Variants in GPR158 observed in about 807,000 individuals in gnomAD.
The protein encoded by GPR158 is G protein-coupled receptor 158.
A neutral mutation model predicts 78.2 loss-of-function variants in GPR158; 30 were observed. That is an observed-to-expected ratio of 0.38 (90% CI 0.29 to 0.52). The LOEUF (loss-of-function observed/expected upper bound fraction) is 0.52. GPR158 is among the 20% of genes least tolerant of loss of function. GPR158 has a pLI of 0.83. For missense variants in GPR158, 1,463 were observed against 1,523.5 expected (o/e 0.96, Z 0.66); for synonymous variants, 581 against 591.1 (o/e 0.98, Z 0.25).
intron 2 of GPR158, among the ~76,000 whole-genome samples, chr10:25,334,173 T>C (rs1230043310): frequency 6.6e-6 from 1 of 152,106 alleles, no homozygotes; most frequent in African/African-American, 2.4e-5. Flanking sequence ...GCAACTTTTA[T>C]AAAATGACAA....
At chr10:25,200,695 A>T (rs1779488607) in intron 1 of GPR158, among the ~76,000 whole-genome samples, 1 of 152,082 alleles carries the variant, frequency 6.6e-6, no homozygotes, top group Non-Finnish European at 1.5e-5. Flanking sequence ...AAAGGTGTCC[A>T]GTGTTAAAAA....
intron 2 of GPR158, among the ~76,000 whole-genome samples, chr10:25,349,688 G>A (rs979046028): frequency 4.1e-5 from 6 of 146,770 alleles, no homozygotes; most frequent in Non-Finnish European, 8.8e-5. Flanking sequence ...GTGGAACTAC[G>A]AGTCAGTTAA....
At chr10:25,541,646 G>A (rs1836586319) in intron 5 of GPR158, among the ~76,000 whole-genome samples, 1 of 151,334 alleles carries the variant, frequency 6.6e-6, no homozygotes, top group African/African-American at 2.4e-5. Flanking sequence ...TTGAATAAAG[G>A]CCCATAAAAG....
At chr10:25,310,333 A>G (rs531022473) in intron 2 of GPR158, among the ~76,000 whole-genome samples, 2 of 152,278 alleles carry the variant, frequency 1.3e-5, no homozygotes, top group East Asian at 3.9e-4. Context: ...AGAGAGTGTT[A>G]GTCCTCCAAG....
intron 2 of GPR158, among the ~76,000 whole-genome samples, chr10:25,311,108 A>G (rs1316929680): frequency 6.6e-6 from 1 of 151,854 alleles, no homozygotes; most frequent in African/African-American, 2.4e-5. Context: ...TTTTATTTTA[A>G]TATTTGTTTG....
At chr10:25,391,855 T>G (rs1214844572) in intron 2 of GPR158, among the ~76,000 whole-genome samples, 3 of 152,178 alleles carry the variant, frequency 2.0e-5, no homozygotes, top group Non-Finnish European at 4.4e-5. Flanking sequence ...AATCTCATCT[T>G]GAATTGTTCC....
chr10:25,200,474 G>C (rs368877607), intron 1 of GPR158, among the ~76,000 whole-genome samples: 2 of 152,040 alleles, frequency 1.3e-5, no homozygotes, highest in Admixed American at 1.3e-4. Context: ...GTGTCTGTTT[G>C]CTCTGTGGAT....
At chr10:25,398,815 A>T (rs1834402191) in intron 3 of GPR158, among the ~76,000 whole-genome samples, 1 of 152,166 alleles carries the variant, frequency 6.6e-6, no homozygotes, top group African/African-American at 2.4e-5. Flanking sequence ...TGACCTCAGC[A>T]CATACTTAGC....
In GPR158 at chr10:25,598,054, C is replaced by T. The variant is rs1025246687; in HGVS notation, c.2428C>T (p.Arg810Ter). The T allele has an allele frequency of 4.3e-6, 7 of 1,613,892 alleles. No individual in the cohort carries two copies. The highest frequency in any genetic ancestry group is 1.3e-5 in the African/African-American group (1 of 74,908). Reference sequence around the variant, plus strand: ...ATCCAAGGAGGAGACCCTGAAAAACCGAGTCTTCTCACTCAAGAAATCCCA... The same window carrying T: ...ATCCAAGGAGGAGACCCTGAAAAACTGAGTCTTCTCACTCAAGAAATCCCA... ...GKSKEETLKNRVFSLKKSHST... is the reference protein window; with the variant it reads ...GKSKEETLKN Residue 810 changes from arginine (R) to a stop codon, truncating the protein, a stop_gained, in exon 11 of 11, where the codon CGA (arginine) becomes TGA (stop). Transcript: ENST00000376351. LOFTEE classifies it low-confidence loss of function (END_TRUNC).
chr10:25,587,094 G>A (rs904413185), intron 7 of GPR158, among the ~76,000 whole-genome samples: 3 of 152,212 alleles, frequency 2.0e-5, no homozygotes, highest in African/African-American at 4.8e-5. Flanking sequence ...GTAACAAAGA[G>A]AAGTTGGTCA....
chr10:25,517,450 A>G (rs1429897791), intron 5 of GPR158, among the ~76,000 whole-genome samples: 1 of 152,104 alleles, frequency 6.6e-6, no homozygotes, highest in African/African-American at 2.4e-5. Context: ...GTCTTGTGCC[A>G]GTTTTCAAAG....
At chr10:25,324,543 A>G (rs1240502414) in intron 2 of GPR158, among the ~76,000 whole-genome samples, 1 of 152,222 alleles carries the variant, frequency 6.6e-6, no homozygotes, top group Non-Finnish European at 1.5e-5. Flanking sequence ...TCACCATAAC[A>G]GATATAATAA....
chr10:25,475,652 A>G (rs139051253), intron 5 of GPR158: 4 of 152,272 alleles, frequency 2.6e-5, no homozygotes, highest in African/African-American at 9.6e-5. Context: ...TAGTATCCAC[A>G]TATAGCCAAA....
intron 5 of GPR158, among the ~76,000 whole-genome samples, chr10:25,550,114 C>T (rs1410685239): frequency 6.6e-6 from 1 of 152,090 alleles, no homozygotes; most frequent in Non-Finnish European, 1.5e-5. Flanking sequence ...GTGTCTTGCA[C>T]GTTATCTGTT....
chr10:25,486,699 A>G (rs1835740332), intron 5 of GPR158, among the ~76,000 whole-genome samples: 1 of 152,144 alleles, frequency 6.6e-6, no homozygotes, highest in African/African-American at 2.4e-5. Flanking sequence ...CTGTTGGTCC[A>G]TGGTCCTTGA....
intron 2 of GPR158, among the ~76,000 whole-genome samples, chr10:25,333,626 A>T (rs1855158374): frequency 6.6e-6 from 1 of 152,176 alleles, no homozygotes; most frequent in Non-Finnish European, 1.5e-5. Context: ...AGAATGAATG[A>T]TTGAAAATAG....
intron 5 of GPR158, among the ~76,000 whole-genome samples, chr10:25,492,527 C>T (rs142247082): frequency 1.3e-5 from 2 of 152,130 alleles, no homozygotes; most frequent in East Asian, 3.9e-4. Context: ...ATTTTCATCC[C>T]TTAGTCTTCA....
chr10:25,377,110 G>A (rs932055934), intron 2 of GPR158, among the ~76,000 whole-genome samples: 4 of 151,650 alleles, frequency 2.6e-5, no homozygotes, highest in East Asian at 1.9e-4. Flanking sequence ...CTTTTAAAAT[G>A]GTTCTTTTTG....
At chr10:25,568,953 T>C (rs1836967718) in intron 6 of GPR158, among the ~76,000 whole-genome samples, 1 of 152,208 alleles carries the variant, frequency 6.6e-6, no homozygotes, top group Non-Finnish European at 1.5e-5. Flanking sequence ...CAGTTGTATT[T>C]CATACAAATG....
Sources: gnomAD v4.1 joint callset for allele counts (sites outside exome capture counted in the v4.1 genomes callset) on GRCh38, gnomAD v4.1.1 for gene constraint, MANE v1.5 for transcripts, NCBI Gene and HGNC (gene_info 2026-07-23, HGNC 2026-07-21) for gene names.